The following SH3BGRL2 variants were observed in gnomAD, a reference collection of about 807,000 sequenced individuals.
SH3BGRL2 encodes the protein SH3 domain binding glutamate rich protein like 2.
SH3BGRL2 carries 21 observed loss-of-function variants against 14.8 expected under a neutral mutation model. The ratio of observed to expected loss-of-function variants is 1.42; its 90% CI spans 1.01 to 2.05. The LOEUF (loss-of-function observed/expected upper bound fraction) is 2.05. SH3BGRL2 is among the 30% of genes most tolerant of loss of function. SH3BGRL2 has a pLI of 0.00. For synonymous variants in SH3BGRL2, 50 were observed against 47.8 expected, an observed-to-expected ratio of 1.05 and a Z score of -0.19; for missense variants, 147 against 130.8, an observed-to-expected ratio of 1.12 and a Z score of -0.61.
At chr6:79,598,189 C>T in the SH3BGRL2 span, among the ~76,000 whole-genome samples, 1 of 152,164 alleles carries the variant, frequency 6.6e-6, no homozygotes, top group Non-Finnish European at 1.5e-5. Flanking sequence ...CTAGCAGTTC[C>T]TCAAGAGGTT....
chr6:79,555,639 A>G, the SH3BGRL2 span, among the ~76,000 whole-genome samples: 1 of 152,074 alleles, frequency 6.6e-6, no homozygotes, highest in African/African-American at 2.4e-5. Flanking sequence ...CCTTCCGAGT[A>G]GCTGGGATTA....
chr6:79,688,389 T>A (rs1039408803), intron 2 of SH3BGRL2, among the ~76,000 whole-genome samples: 1 of 152,188 alleles, frequency 6.6e-6, no homozygotes, highest in African/African-American at 2.4e-5. Context: ...GTCCTTTGTC[T>A]TAAATGGAAT....
intron 2 of SH3BGRL2, among the ~76,000 whole-genome samples, chr6:79,675,300 G>A (rs1053271696): frequency 2.0e-5 from 3 of 152,140 alleles, no homozygotes; most frequent in Admixed American, 2.0e-4. Context: ...TTGATTCAGT[G>A]TCCTCTGGTT....
the SH3BGRL2 span, among the ~76,000 whole-genome samples, chr6:79,592,259 A>T: frequency 6.6e-6 from 1 of 152,170 alleles, no homozygotes; most frequent in Non-Finnish European, 1.5e-5. Context: ...AGCTCCATTT[A>T]TCTGATTCAA....
At chr6:79,599,239 CTTCTT>C in the SH3BGRL2 span, among the ~76,000 whole-genome samples, 1 of 152,124 alleles carries the variant, frequency 6.6e-6, no homozygotes, top group Non-Finnish European at 1.5e-5. Flanking sequence ...CTCTCATCCA[CTTCTT>C]AGGGAAGTGC....
chr6:79,553,347 C>A, the SH3BGRL2 span, among the ~76,000 whole-genome samples: 4 of 152,266 alleles, frequency 2.6e-5, no homozygotes, highest in South Asian at 8.3e-4. Context: ...TTCAAAATCA[C>A]AAAAGCTCAG....
At chr6:79,615,817 C>CTTTTTTTTT in the SH3BGRL2 span, among the ~76,000 whole-genome samples, 1 of 124,250 alleles carries the variant, frequency 8.0e-6, no homozygotes, top group Non-Finnish European at 1.6e-5. Flanking sequence ...CCACTCCTGC[C>CTTTTTTTTT]TTTTTTTTTT....
At chr6:79,570,914 T>C in the SH3BGRL2 span, among the ~76,000 whole-genome samples, 34 of 152,276 alleles carry the variant, frequency 2.2e-4, no homozygotes, top group South Asian at 7.1e-3. Flanking sequence ...CGAATATGAA[T>C]GTAATTATAG....
the SH3BGRL2 span, among the ~76,000 whole-genome samples, chr6:79,571,917 C>CT: frequency 1.3e-5 from 2 of 152,018 alleles, no homozygotes; most frequent in Non-Finnish European, 2.9e-5. Flanking sequence ...AAAATAAACT[C>CT]TTTTTTTGGA....
intron 2 of SH3BGRL2, among the ~76,000 whole-genome samples, chr6:79,679,965 A>G (rs1769957971): frequency 6.6e-6 from 1 of 152,118 alleles, no homozygotes. Context: ...GGTGTTCTTT[A>G]CATATTTGGG....
intron 1 of SH3BGRL2, among the ~76,000 whole-genome samples, chr6:79,671,823 T>G (rs1769779964): frequency 6.6e-6 from 1 of 152,186 alleles, no homozygotes; most frequent in African/African-American, 2.4e-5. Flanking sequence ...CCAGGCCATG[T>G]TCACCTCTGC....
At chr6:79,623,250 G>A in the SH3BGRL2 span, among the ~76,000 whole-genome samples, 14 of 151,768 alleles carry the variant, frequency 9.2e-5, no homozygotes, top group African/African-American at 2.7e-4. Context: ...TGCAGTGAGC[G>A]GAGATAGTGC....
intron 1 of SH3BGRL2, among the ~76,000 whole-genome samples, chr6:79,631,850 A>G (rs1414075658): frequency 6.6e-6 from 1 of 152,158 alleles, no homozygotes; most frequent in East Asian, 1.9e-4. Context: ...CCCCTAGTTT[A>G]GTTCTTCCCG....
At chr6:79,554,957 G>C in the SH3BGRL2 span, among the ~76,000 whole-genome samples, 1 of 151,844 alleles carries the variant, frequency 6.6e-6, no homozygotes, top group East Asian at 1.9e-4. Flanking sequence ...ATTTATATCT[G>C]GCAATATCTA....
At chr6:79,562,067 T>G in the SH3BGRL2 span, among the ~76,000 whole-genome samples, 2 of 152,278 alleles carry the variant, frequency 1.3e-5, no homozygotes, top group South Asian at 2.1e-4. Context: ...TTCTGTAGTA[T>G]TATTTCCTAT....
chr6:79,670,675 G>A (rs1358318041), intron 1 of SH3BGRL2, among the ~76,000 whole-genome samples: 2 of 152,208 alleles, frequency 1.3e-5, no homozygotes, highest in Non-Finnish European at 2.9e-5. Flanking sequence ...GGGTTTATTT[G>A]TCTAATACAG....
chr6:79,616,044 G>A, the SH3BGRL2 span, among the ~76,000 whole-genome samples: 6 of 151,958 alleles, frequency 3.9e-5, no homozygotes, highest in South Asian at 4.2e-4. Flanking sequence ...TCAAATTCCC[G>A]ACCTCAGGTG....
At chr6:79,697,269 T>C (rs1372711323) in intron 3 of SH3BGRL2, among the ~76,000 whole-genome samples, 3 of 152,134 alleles carry the variant, frequency 2.0e-5, no homozygotes, top group Admixed American at 6.5e-5. Context: ...TGGGAAAATA[T>C]TAAAAAAGGG....
intron 2 of SH3BGRL2, among the ~76,000 whole-genome samples, chr6:79,691,563 T>G (rs1433895709): frequency 6.9e-6 from 1 of 145,202 alleles, no homozygotes; most frequent in Non-Finnish European, 1.5e-5. Context: ...TGTCCATGTG[T>G]TCTCATTGTT....
Sources: allele counts gnomAD v4.1 joint callset (sites outside exome capture counted in the v4.1 genomes callset), GRCh38; gene constraint gnomAD v4.1.1; transcripts MANE v1.5; gene names NCBI Gene and HGNC (gene_info 2026-07-23, HGNC 2026-07-21).